ZEB2: variants seen among roughly 807,000 people sequenced by gnomAD.
ZEB2 encodes the protein zinc finger E-box-binding homeobox 2.
Under a neutral mutation model 99.9 loss-of-function variants are expected in ZEB2, and 6 were observed. The observed-to-expected ratio is 0.06, with a 90% confidence interval of 0.03 to 0.12. The LOEUF is 0.12. Ranked by LOEUF, ZEB2 falls within the 10% of genes least tolerant of loss-of-function variation. The pLI is 1.00. For missense variants in ZEB2, 969 were observed against 1,502.8 expected, an observed-to-expected ratio of 0.64 and a Z score of 5.87; for synonymous variants, 517 against 542.5, an observed-to-expected ratio of 0.95 and a Z score of 0.65.
chr2:144,505,177 T>C (rs1207387705), intron 2 of ZEB2, among the ~76,000 whole-genome samples: 2 of 151,800 alleles, frequency 1.3e-5, no homozygotes, highest in African/African-American at 4.8e-5. Context: ...CAGTTGACTA[T>C]ACATTTGAAA....
Position 144,390,021 on chromosome 2 carries a change from T to C in ZEB2, c.3075A>G (p.Arg1025=). 1.2e-6 allele frequency: 2 copies of C among 1,600,322 alleles called. No homozygotes were observed. The highest frequency in any genetic ancestry group is 2.7e-5 in the African/African-American group (2 of 75,060). ...TCTTACAAATCTGACACTGATGTGGTCTTTTTCCTGGGAGAAAGAACAAGA... is the reference window on the plus strand; with the variant it reads ...TCTTACAAATCTGACACTGATGTGGCCTTTTTCCTGGGAGAAAGAACAAGA... ...LRHKYEHTGK[R]PHQCQICKKA... Residue 1025 remains arginine (R), a synonymous_variant, in exon 10 of 10, where the codon AGA becomes AGG. Coordinates refer to ENST00000627532, the MANE Select transcript of ZEB2 (RefSeq NM_014795.4).
At chr2:144,484,391 G>C (rs1704564413) in intron 2 of ZEB2, among the ~76,000 whole-genome samples, 2 of 152,192 alleles carry the variant, frequency 1.3e-5, no homozygotes, top group Admixed American at 1.3e-4. Context: ...GCTGAGATTG[G>C]AAGGCAGGGC....
At chr2:144,465,807 T>A (rs1704263169) in intron 2 of ZEB2, among the ~76,000 whole-genome samples, 1 of 152,174 alleles carries the variant, frequency 6.6e-6, no homozygotes, top group Admixed American at 6.5e-5. Context: ...ATATTTATAG[T>A]TTAAAAATTA....
chr2:144,475,453 T>C (rs142153798), intron 2 of ZEB2, among the ~76,000 whole-genome samples: 3 of 152,198 alleles, frequency 2.0e-5, no homozygotes, highest in Non-Finnish European at 4.4e-5. Context: ...AAATTATTAT[T>C]CAAGTTTAAA....
intron 2 of ZEB2, chr2:144,463,864 AAAAG>A (rs1047326699): frequency 6.6e-6 from 1 of 151,516 alleles, no homozygotes; most frequent in East Asian, 1.9e-4. Flanking sequence ...AAAAAACAAA[AAAAG>A]AAAGACAGAG....
chr2:144,432,620 C>T (rs779483410), intron 2 of ZEB2, among the ~76,000 whole-genome samples: 28 of 152,166 alleles, frequency 1.8e-4, no homozygotes, highest in Non-Finnish European at 3.7e-4. Flanking sequence ...TGTTCCCTCA[C>T]GTCTAGTCAG....
At chr2:144,400,481 G>T in intron 7 of ZEB2, 1 of 645,970 alleles carries the variant, frequency 1.5e-6, no homozygotes, top group Non-Finnish European at 2.6e-6. Flanking sequence ...ACAGTGGAAG[G>T]TAAGGGCTAT....
intron 2 of ZEB2, among the ~76,000 whole-genome samples, chr2:144,443,617 C>T (rs1703946402): frequency 1.3e-5 from 2 of 152,076 alleles, no homozygotes; most frequent in Admixed American, 1.3e-4. Context: ...TTTTCTTTAA[C>T]TGTTAATGTT....
At chr2:144,431,999 GAAA>G (rs80124435) in intron 2 of ZEB2, among the ~76,000 whole-genome samples, 1 of 112,790 alleles carries the variant, frequency 8.9e-6, no homozygotes. Flanking sequence ...CTTTATCCTG[GAAA>G]AAAAAAAAAA....
chr2:144,443,523 T>G (rs1239608434), intron 2 of ZEB2, among the ~76,000 whole-genome samples: 3 of 152,212 alleles, frequency 2.0e-5, no homozygotes, highest in Non-Finnish European at 2.9e-5. Flanking sequence ...TGCCAGAACA[T>G]ATTACTGTAC....
intron 2 of ZEB2, among the ~76,000 whole-genome samples, chr2:144,509,517 T>A (rs1349192727): frequency 6.6e-6 from 1 of 152,206 alleles, no homozygotes; most frequent in African/African-American, 2.4e-5. Flanking sequence ...AAGTGAAATC[T>A]TCCACAAGGG....
chr2:144,487,851 G>T lies in ZEB2; in HGVS notation c.73+29427C>A, dbSNP rs186286295. 1.0e-3 allele frequency among the ~76,000 whole-genome samples: 159 copies of T among 152,308 alleles called. 1 individual carries two copies. The highest frequency in any genetic ancestry group is 3.4e-3 in the African/African-American group (140 of 41,574). ...GGGCCTGCATTCTTTATTACCTAAAGCATTTCAGCAATACTCAAAGTTGAA... is the reference window on the plus strand; with the variant it reads ...GGGCCTGCATTCTTTATTACCTAAATCATTTCAGCAATACTCAAAGTTGAA... On this transcript the variant is annotated intron_variant, in intron 2 of 9. Coordinates refer to ENST00000627532, the MANE Select transcript of ZEB2 (RefSeq NM_014795.4).
rs746783630 is a variant in ZEB2 at position 144,389,745 on chromosome 2, G to A, written c.3351C>T (p.Thr1117=). The A allele has an allele frequency of 1.2e-6, 2 of 1,610,266 alleles. No homozygotes were observed. The stretch of plus-strand genomic sequence containing the variant: ...CCTCCGAGTCAGAGTACCCCTGAGG[G>A]GTAATGCTCTGCAAGTAAGCCCGGT... ...LMNRAYLQSI[T]PQGYSDSEER... The change falls in exon 10 of 10, where the codon ACC becomes ACT. Residue 1117 remains threonine, a synonymous_variant. Coordinates refer to ENST00000627532, the MANE Select transcript of ZEB2 (RefSeq NM_014795.4). This position sits in a 1 kb window ranked among gnomAD's most constrained non-coding sequence, Gnocchi z 6.8.
intron 2 of ZEB2, among the ~76,000 whole-genome samples, chr2:144,469,894 T>G (rs1185246486): frequency 6.6e-6 from 1 of 152,144 alleles, no homozygotes; most frequent in Non-Finnish European, 1.5e-5. Flanking sequence ...AGGGTTACAG[T>G]GTGGAAATGA....
At chr2:144,415,001 TTTC>T (rs1376732947) in intron 4 of ZEB2, among the ~76,000 whole-genome samples, 10 of 140,608 alleles carry the variant, frequency 7.1e-5, no homozygotes, top group Non-Finnish European at 1.5e-5. Flanking sequence ...TTTTACTTTT[TTTC>T]TTTTTTTTTT....
At chr2:144,417,060 G>A (rs976887125) in intron 4 of ZEB2, among the ~76,000 whole-genome samples, 12 of 152,174 alleles carry the variant, frequency 7.9e-5, no homozygotes, top group Middle Eastern at 3.4e-3. Flanking sequence ...TTATTCACCC[G>A]GATGAATGTA....
Position 144,399,841 on chromosome 2 carries a change from C to T in ZEB2, c.1346G>A (p.Gly449Glu). 1 of 1,614,100 alleles carries T rather than the reference C, an allele frequency of 6.2e-7. No homozygotes were observed. Among genetic ancestry groups the T allele is most frequent in the Middle Eastern group, 1.6e-4 (1 of 6,062 alleles). ...TAAATTACTATTCATGGTGGGAAAC[C>T]CAAGTAAAGGGGCTTCCATCCCTAC... Reference protein sequence around the residue: ...LGVGMEAPLLGFPTMNSNLSE... With the variant: ...LGVGMEAPLLEFPTMNSNLSE... Residue 449 changes from glycine to glutamate, a missense_variant, in exon 8 of 10, where the codon GGG becomes GAG. By Grantham distance (98) the Gly-to-Glu change is moderately conservative. This residue lies in a region of ZEB2 where 227 missense variants were observed against 278.2 expected (regional missense o/e 0.82). Coordinates refer to ENST00000627532, the MANE Select transcript of ZEB2 (RefSeq NM_014795.4). This position sits in a 1 kb window ranked among gnomAD's most constrained non-coding sequence, Gnocchi z 5.6.
At chr2:144,432,016 A>C (rs75431266) in intron 2 of ZEB2, among the ~76,000 whole-genome samples, 11 of 150,806 alleles carry the variant, frequency 7.3e-5, no homozygotes, top group Non-Finnish European at 1.3e-4. Flanking sequence ...AAAAAAAAAA[A>C]CCCATGCCTT....
At chr2:144,505,031 TC>T (rs1224668634) in intron 2 of ZEB2, among the ~76,000 whole-genome samples, 1 of 152,132 alleles carries the variant, frequency 6.6e-6, no homozygotes, top group Non-Finnish European at 1.5e-5. Flanking sequence ...TTTATCTATT[TC>T]TTAGAGATTG....
Sources: gnomAD v4.1 joint callset for allele counts (sites outside exome capture counted in the v4.1 genomes callset) on GRCh38, gnomAD v4.1.1 for gene constraint, gnomAD v4.1.1 regional missense constraint, Gnocchi (gnomAD v3.1) non-coding constraint, MANE v1.5 for transcripts, NCBI Gene and HGNC (gene_info 2026-07-23, HGNC 2026-07-21) for gene names.